SH2D1B: variants seen among roughly 807,000 people sequenced by gnomAD.
SH2D1B encodes the protein SH2 domain-containing protein 1B.
SH2D1B carries 11 observed loss-of-function variants against 16.3 expected under a neutral mutation model. The observed-to-expected ratio is 0.67, with a 90% CI of 0.42 to 1.11. The LOEUF (loss-of-function observed/expected upper bound fraction) is 1.11, where lower values mean the gene tolerates loss of function less well. Among genes scored for constraint, SH2D1B ranks in the 50% most tolerant of loss-of-function variants. The pLI is 0.00. For synonymous variants in SH2D1B, 55 were observed against 56.1 expected (o/e 0.98, Z 0.09); for missense variants, 123 against 153.1 (o/e 0.80, Z 1.04).
chr1:162,409,468 C>A (rs973350434), intron 1 of SH2D1B, among the ~76,000 whole-genome samples: 8 of 152,154 alleles, frequency 5.3e-5, no homozygotes, highest in South Asian at 2.1e-4. Context: ...ATTTTAGGAA[C>A]CTTGTATGTA....
Position 162,397,171 on chromosome 1 carries a change from C to G in SH2D1B, c.*109G>C, listed in dbSNP as rs1648397835. ...TCTTCAGTTACACAACCAGGAGAGT[C>G]TGAATTGTCCACTAGAGTTTGGTGC... is the stretch of plus-strand genomic sequence containing the variant. On this transcript the variant is annotated 3_prime_UTR_variant, in exon 4 of 4. Transcript: ENST00000367929. 4.1e-6 allele frequency: 5 copies of G among 1,205,814 alleles called. No homozygotes were observed. Among genetic ancestry groups the G allele is most frequent in the East Asian group, 2.3e-5 (1 of 42,570 alleles). The allele number at this position is 1,205,814 out of a possible 1,614,324, so 74.7% of individuals were successfully genotyped here.
Position 162,397,229 on chromosome 1 carries a change from G to T in SH2D1B, c.*51C>A. On this transcript the variant is annotated 3_prime_UTR_variant, in exon 4 of 4. Transcript: ENST00000367929. ...CTATGCCTGCAGAAGTGGGTCATCAGTGAGAACTGTTACTCATCTCTTCAA... is the reference window on the plus strand; with the variant it reads ...CTATGCCTGCAGAAGTGGGTCATCATTGAGAACTGTTACTCATCTCTTCAA... 1 of 1,605,640 alleles carries T rather than the reference G, an allele frequency of 6.2e-7. No individual in the cohort carries two copies. The highest frequency in any genetic ancestry group is 8.5e-7 in the Non-Finnish European group (1 of 1,172,562).
chr1:162,411,719 G>A (rs1648799557), intron 1 of SH2D1B, among the ~76,000 whole-genome samples, 164 bp downstream of exon 1: 1 of 152,254 alleles, frequency 6.6e-6, no homozygotes, highest in Admixed American at 6.5e-5. Flanking sequence ...GAGGAGCATG[G>A]ACAGATACAT....
intron 1 of SH2D1B, among the ~76,000 whole-genome samples, chr1:162,407,564 T>C (rs1457880512): frequency 6.6e-6 from 1 of 152,264 alleles, no homozygotes; most frequent in Non-Finnish European, 1.5e-5. Context: ...ATAATGCATG[T>C]ACCATGCTTA....
chr1:162,404,372 T>G (rs2101861524), intron 1 of SH2D1B, among the ~76,000 whole-genome samples: 1 of 152,256 alleles, frequency 6.6e-6, no homozygotes, highest in Admixed American at 6.5e-5. Context: ...ATATATTATA[T>G]TTTTGAAAAA....
In SH2D1B at chr1:162,408,353, T is replaced by G. The variant is rs146613022; in HGVS notation, c.134+3530A>C. Among the ~76,000 whole-genome samples the G allele has an allele frequency of 3.9e-5, 6 of 152,074 alleles. No homozygotes were observed. In the East Asian group the frequency reaches 1.2e-3, roughly 29 times the overall value. ...TGATCATGTGCAGGGGCTTAACAAA[T>G]ATTTATTTTTGCCTCTCCACTTGGT... On this transcript the variant is annotated intron_variant, in intron 1 of 3. Transcript: ENST00000367929.
Position 162,396,854 on chromosome 1 carries a change from T to G in SH2D1B, c.*426A>C. The stretch of plus-strand genomic sequence containing the variant: ...AGACAAAGAAACTAAGACCTGGAGA[T>G]GGGCAGAAACGTGTTCAAAGTCACA... On this transcript the variant is annotated 3_prime_UTR_variant, in exon 4 of 4. Coordinates refer to ENST00000367929, the MANE Select transcript of SH2D1B (RefSeq NM_053282.5). 6.4e-6 allele frequency: 1 copy of G among 157,354 alleles called. No homozygotes were observed. The highest frequency in any genetic ancestry group is 1.9e-4 in the South Asian group (1 of 5,252). The allele number at this position is 157,354 out of a possible 1,614,324, so 9.7% of individuals were successfully genotyped here.
intron 1 of SH2D1B, among the ~76,000 whole-genome samples, chr1:162,410,782 A>T (rs1176328945): frequency 6.7e-6 from 1 of 149,358 alleles, no homozygotes; most frequent in Non-Finnish European, 1.5e-5. Context: ...TCAGCCTCCC[A>T]AATAGCTGGG....
At chr1:162,406,951 C>A (rs1040136908) in intron 1 of SH2D1B, among the ~76,000 whole-genome samples, 3 of 152,208 alleles carry the variant, frequency 2.0e-5, no homozygotes, top group Non-Finnish European at 4.4e-5. Context: ...CACAGACAAC[C>A]TTTTACACAC....
Position 162,411,448 on chromosome 1 carries a change from AT to A in SH2D1B, c.134+434del, listed in dbSNP as rs1557913232. On this transcript the variant is annotated intron_variant, in intron 1 of 3. Coordinates refer to ENST00000367929, the MANE Select transcript of SH2D1B (RefSeq NM_053282.5). Reference sequence around the variant, plus strand: ...TCACAAATCTAACAAAATGTGAAATATGATTGTATTTATAGTTTACGTATTG... The same window carrying A: ...TCACAAATCTAACAAAATGTGAAATAGATTGTATTTATAGTTTACGTATTG... Among the ~76,000 whole-genome samples, 5 of 152,228 alleles carry A rather than the reference AT, an allele frequency of 3.3e-5. 1 individual carries two copies. The highest frequency in any genetic ancestry group is 7.3e-5 in the Non-Finnish European group (5 of 68,042).
intron 1 of SH2D1B, among the ~76,000 whole-genome samples, chr1:162,408,224 A>G (rs1223681516): frequency 1.3e-5 from 2 of 152,154 alleles, no homozygotes; most frequent in African/African-American, 4.8e-5. Context: ...ACAAGGCCCT[A>G]TGAGGAGATA....
chr1:162,410,656 CT>C (rs66614229), intron 1 of SH2D1B, among the ~76,000 whole-genome samples: 38,734 of 129,626 alleles, frequency 0.3, 4,444 homozygotes, highest in Middle Eastern at 0.4. Context: ...TTTTCTTTTT[CT>C]TTTTTTTTTT....
chr1:162,403,417 A>G (rs1489702690), intron 1 of SH2D1B, among the ~76,000 whole-genome samples: 1 of 140,328 alleles, frequency 7.1e-6, no homozygotes, highest in Non-Finnish European at 1.5e-5. Flanking sequence ...TGAACCCAGG[A>G]GGCGGAGGTT....
At chr1:162,400,880 G>A (rs994409182) in intron 2 of SH2D1B, among the ~76,000 whole-genome samples, 5 of 152,004 alleles carry the variant, frequency 3.3e-5, no homozygotes, top group Non-Finnish European at 7.4e-5. Flanking sequence ...ACCAGGACGC[G>A]GAAGTTGCAG....
chr1:162,401,981 C>T (rs1648527230), intron 2 of SH2D1B, among the ~76,000 whole-genome samples: 1 of 152,096 alleles, frequency 6.6e-6, no homozygotes, highest in Non-Finnish European at 1.5e-5. Context: ...CTCAGTAAAC[C>T]AGAAAAATTA....
In SH2D1B at chr1:162,395,675, CTAA is replaced by C. The variant is rs1648356782; in HGVS notation, c.*1602_*1604del. The C allele has an allele frequency of 6.6e-6, 1 of 152,126 alleles. No homozygotes were observed. Among genetic ancestry groups the C allele is most frequent in the Non-Finnish European group, 1.5e-5 (1 of 68,026 alleles). The allele number at this position is 152,126 out of a possible 1,614,324, so 9.4% of individuals were successfully genotyped here. On this transcript the variant is annotated 3_prime_UTR_variant, in exon 4 of 4. Coordinates refer to ENST00000367929, the MANE Select transcript of SH2D1B (RefSeq NM_053282.5). Reference sequence around the variant, plus strand: ...AGAATCAACAGGTAAACTAGTAGATCTAATGAGAGGGTTAACATTTCACCAACA... The same window carrying C: ...AGAATCAACAGGTAAACTAGTAGATCTGAGAGGGTTAACATTTCACCAACA...
intron 1 of SH2D1B, among the ~76,000 whole-genome samples, chr1:162,406,352 T>G (rs991098611): frequency 6.6e-6 from 1 of 152,222 alleles, no homozygotes; most frequent in African/African-American, 2.4e-5. Context: ...TACATTATGA[T>G]ATATCAAATC....
chr1:162,400,066 T>C (rs1571271548), intron 2 of SH2D1B, among the ~76,000 whole-genome samples: 1 of 152,230 alleles, frequency 6.6e-6, no homozygotes, highest in East Asian at 1.9e-4. Flanking sequence ...ATCCAGTCTA[T>C]CACTGATGGG....
chr1:162,408,414 CTTT>C (rs34627792), intron 1 of SH2D1B, among the ~76,000 whole-genome samples: 3 of 128,186 alleles, frequency 2.3e-5, no homozygotes, highest in Admixed American at 8.3e-5. Context: ...TTTTTCTCTT[CTTT>C]TTTTTTTTTT....
Sources: allele counts gnomAD v4.1 joint callset (sites outside exome capture counted in the v4.1 genomes callset), GRCh38; gene constraint gnomAD v4.1.1; transcripts MANE v1.5; gene names NCBI Gene and HGNC (gene_info 2026-07-23, HGNC 2026-07-21).